KLHL5: variants seen among roughly 807,000 people sequenced by gnomAD.
The protein encoded by KLHL5 is kelch like family member 5, also known as kelch-like protein 5.
In KLHL5, 48 loss-of-function variants were observed where a neutral mutation model predicts 77.7. The observed-to-expected ratio is 0.62, with a 90% confidence interval of 0.49 to 0.79. KLHL5 has a LOEUF of 0.79. KLHL5 is among the 30% of genes least tolerant of loss of function. The pLI, the probability that KLHL5 is intolerant of heterozygous loss-of-function variation, is 0.00. For missense variants in KLHL5, 723 were observed against 859.7 expected, an observed-to-expected ratio of 0.84 and a Z score of 1.99; for synonymous variants, 260 against 297.0, an observed-to-expected ratio of 0.88 and a Z score of 1.28.
chr4:39,082,685 C>G (rs1315996225), intron 4 of KLHL5, among the ~76,000 whole-genome samples: 1 of 152,050 alleles, frequency 6.6e-6, no homozygotes, highest in African/African-American at 2.4e-5. Flanking sequence ...GATTCAGTAG[C>G]CTGAAGGATG....
intron 2 of KLHL5, among the ~76,000 whole-genome samples, chr4:39,076,379 TG>T (rs1189972329): frequency 6.6e-6 from 1 of 152,180 alleles, no homozygotes; most frequent in Non-Finnish European, 1.5e-5. Context: ...TCATATAAGT[TG>T]GTATTGTTCG....
intron 10 of KLHL5, chr4:39,115,960 G>A: frequency 3.0e-6 from 3 of 985,988 alleles, no homozygotes; most frequent in Non-Finnish European, 3.6e-6. Context: ...TCAGTACTTG[G>A]TACATAAAAG....
intron 1 of KLHL5, among the ~76,000 whole-genome samples, chr4:39,057,175 C>T (rs1717061746): frequency 6.6e-6 from 1 of 152,166 alleles, no homozygotes; most frequent in East Asian, 1.9e-4. Context: ...AAGTCAAGAG[C>T]TGTGCCATTA....
chr4:39,136,560 T>C, the KLHL5 span, among the ~76,000 whole-genome samples: 8 of 152,092 alleles, frequency 5.3e-5, no homozygotes, highest in Admixed American at 2.0e-4. Flanking sequence ...ATGTGGGGTA[T>C]TGGAGTCCAA....
intron 2 of KLHL5, among the ~76,000 whole-genome samples, chr4:39,079,452 T>C (rs1057172989): frequency 6.6e-6 from 1 of 152,224 alleles, no homozygotes; most frequent in Non-Finnish European, 1.5e-5. Context: ...TTGTAGTTCC[T>C]TGCATGTGCC....
In KLHL5 at chr4:39,122,719, G is replaced by A. The variant is rs368884652; in HGVS notation, c.*1653G>A. On this transcript the variant is annotated 3_prime_UTR_variant, in exon 11 of 11. Coordinates refer to ENST00000504108, the MANE Select transcript of KLHL5 (RefSeq NM_015990.5). ...GCCCAGCTACTCGGGAGGCTGAGGCGGGAGAATGGCGTGAACCCAGGAGGA... is the reference window on the plus strand; with the variant it reads ...GCCCAGCTACTCGGGAGGCTGAGGCAGGAGAATGGCGTGAACCCAGGAGGA... 2.4e-4 allele frequency among the ~76,000 whole-genome samples: 36 copies of A among 152,056 alleles called. No homozygotes were observed. In the East Asian group the frequency reaches 2.9e-3, roughly 12 times the overall value.
chr4:39,138,509 A>G, the KLHL5 span, among the ~76,000 whole-genome samples: 1 of 152,152 alleles, frequency 6.6e-6, no homozygotes, highest in African/African-American at 2.4e-5. Context: ...GGAACAGAAA[A>G]CCAAATACTG....
intron 2 of KLHL5, among the ~76,000 whole-genome samples, chr4:39,076,526 T>G (rs1293754121): frequency 1.3e-5 from 2 of 152,106 alleles, no homozygotes; most frequent in Non-Finnish European, 1.5e-5. Flanking sequence ...GCAAAAACTC[T>G]TAAGAGTTTT....
At chr4:39,137,770 C>T in the KLHL5 span, among the ~76,000 whole-genome samples, 2 of 151,936 alleles carry the variant, frequency 1.3e-5, no homozygotes, top group Non-Finnish European at 2.9e-5. Flanking sequence ...ACATTGTGGC[C>T]CAGTTGGATG....
chr4:39,045,615 C>T (rs1041366710), intron 1 of KLHL5, among the ~76,000 whole-genome samples: 7 of 152,044 alleles, frequency 4.6e-5, no homozygotes, highest in African/African-American at 1.7e-4. Context: ...TCCCGAGACC[C>T]GGCGTGCCTG....
chr4:39,126,426 A>G (rs75608147), downstream of KLHL5, among the ~76,000 whole-genome samples: 380 of 152,208 alleles, frequency 2.5e-3, 2 homozygotes, highest in African/African-American at 8.5e-3. Flanking sequence ...GTTTTTTTGT[A>G]TCTTCTCCTG....
At chr4:39,069,193 A>C (rs906806477) in intron 1 of KLHL5, among the ~76,000 whole-genome samples, 3 of 152,160 alleles carry the variant, frequency 2.0e-5, no homozygotes, top group Non-Finnish European at 1.5e-5. Flanking sequence ...CAAGTTGCAC[A>C]TATCAGTTCT....
chr4:39,097,724 A>C (rs1366968784), intron 6 of KLHL5, among the ~76,000 whole-genome samples: 1 of 152,244 alleles, frequency 6.6e-6, no homozygotes, highest in Non-Finnish European at 1.5e-5. Context: ...CTAAAGAGAC[A>C]TGACAGCTAT....
chr4:39,087,581 A>G (rs1720166256), intron 5 of KLHL5, among the ~76,000 whole-genome samples: 1 of 152,206 alleles, frequency 6.6e-6, no homozygotes, highest in African/African-American at 2.4e-5. Context: ...TGTGCTATGA[A>G]TAAAAATATT....
intron 1 of KLHL5, among the ~76,000 whole-genome samples, chr4:39,051,735 C>T (rs1373457078): frequency 1.3e-5 from 2 of 151,634 alleles, no homozygotes; most frequent in Non-Finnish European, 2.9e-5. Context: ...ACAAACAAAC[C>T]AGGTCCCACA....
At chr4:39,112,917 G>C in intron 8 of KLHL5, 103 bp from the exon 9 acceptor site, 1 of 979,452 alleles carries the variant, frequency 1.0e-6, no homozygotes. Context: ...TTTTATAACT[G>C]ATGGCACCTT....
At chr4:39,058,483 G>A (rs113081630), upstream of KLHL5, among the ~76,000 whole-genome samples, 13,560 of 152,060 alleles carry the variant, frequency 0.089, 818 homozygotes, top group Non-Finnish European at 0.13. Flanking sequence ...CAGATGTGAT[G>A]GTGCGTGCCT....
chr4:39,048,768 C>T (rs145615421), intron 1 of KLHL5, among the ~76,000 whole-genome samples: 2,114 of 151,446 alleles, frequency 0.014, 48 homozygotes, highest in African/African-American at 0.048. Flanking sequence ...CTCAGCCTCC[C>T]GAGTAGGTGG....
downstream of KLHL5, among the ~76,000 whole-genome samples, chr4:39,131,530 A>G (rs1723800278): frequency 6.6e-6 from 1 of 152,146 alleles, no homozygotes; most frequent in Non-Finnish European, 1.5e-5. Flanking sequence ...AGAATGAAAC[A>G]TAAAATATGT....
Sources: allele counts gnomAD v4.1 joint callset (sites outside exome capture counted in the v4.1 genomes callset), GRCh38; gene constraint gnomAD v4.1.1; transcripts MANE v1.5; gene names NCBI Gene and HGNC (gene_info 2026-07-23, HGNC 2026-07-21).